The following TSPEAR variants were observed in gnomAD, a reference collection of about 807,000 sequenced individuals.
TSPEAR encodes thrombospondin-type laminin G domain and EAR repeat-containing protein.
A neutral mutation model predicts 71.6 loss-of-function variants in TSPEAR; 69 were observed. The observed-to-expected ratio is 0.96, with a 90% CI of 0.79 to 1.18. The LOEUF is 1.18. TSPEAR is among the 50% of genes most tolerant of loss of function. TSPEAR has a pLI of 0.00. For missense variants in TSPEAR, 971 were observed against 894.9 expected, an observed-to-expected ratio of 1.09 and a Z score of -1.09; for synonymous variants, 402 against 387.2, an observed-to-expected ratio of 1.04 and a Z score of -0.45.
At chr21:44,685,771 C>T (rs1555948851) in intron 1 of TSPEAR, among the ~76,000 whole-genome samples, 1 of 152,188 alleles carries the variant, frequency 6.6e-6, no homozygotes, top group African/African-American at 2.4e-5. Flanking sequence ...GACCATGGAT[C>T]CCAGAGTGAA....
At chr21:44,686,118 G>A (rs2838636) in intron 1 of TSPEAR, among the ~76,000 whole-genome samples, 97,232 of 151,866 alleles carry the variant, frequency 0.64, 31,292 homozygotes, top group South Asian at 0.72. Flanking sequence ...GATGGCATTT[G>A]CAACAGGGGG....
intron 2 of TSPEAR, chr21:44,550,725 C>A (rs782483439): frequency 6.2e-7 from 1 of 1,613,992 alleles, no homozygotes; most frequent in Non-Finnish European, 8.5e-7. Context: ...GGAAAAGCTG[C>A]AGGAGGCTGG....
chr21:44,628,213 C>G (rs1983010712), intron 1 of TSPEAR: 1 of 797,638 alleles, frequency 1.3e-6, no homozygotes, highest in Non-Finnish European at 1.9e-6. Flanking sequence ...CCTCCCTGAC[C>G]TCCCCCCCGG....
intron 1 of TSPEAR, among the ~76,000 whole-genome samples, chr21:44,599,972 G>A (rs1311232130): frequency 6.6e-6 from 1 of 152,204 alleles, no homozygotes; most frequent in African/African-American, 2.4e-5. Flanking sequence ...GCCTCCCTAA[G>A]TGCCCAGATG....
At chr21:44,537,945 G>T (rs974127173) in intron 2 of TSPEAR, among the ~76,000 whole-genome samples, 5 of 152,242 alleles carry the variant, frequency 3.3e-5, no homozygotes, top group African/African-American at 1.2e-4. Flanking sequence ...AGCAGATCAG[G>T]CTGAGCCGGG....
intron 1 of TSPEAR, among the ~76,000 whole-genome samples, chr21:44,594,401 C>T (rs1208792075): frequency 6.6e-6 from 1 of 152,228 alleles, no homozygotes; most frequent in African/African-American, 2.4e-5. Flanking sequence ...GGCGAGGGAC[C>T]TGCACACTAG....
intron 1 of TSPEAR, among the ~76,000 whole-genome samples, chr21:44,597,453 A>G (rs1388947980): frequency 2.9e-5 from 3 of 102,190 alleles, no homozygotes; most frequent in Non-Finnish European, 5.5e-5. Flanking sequence ...TTTTTTTTTG[A>G]TGGAGTCTCA....
At chr21:44,582,305 C>T (rs1236295006) in intron 1 of TSPEAR, among the ~76,000 whole-genome samples, 4 of 152,176 alleles carry the variant, frequency 2.6e-5, no homozygotes, top group South Asian at 2.1e-4. Flanking sequence ...ACCTGACAAC[C>T]GCGAGCTCTC....
At chr21:44,626,911 C>T (rs1555934471) in intron 1 of TSPEAR, among the ~76,000 whole-genome samples, 1 of 151,980 alleles carries the variant, frequency 6.6e-6, no homozygotes, top group Non-Finnish European at 1.5e-5. Context: ...CCCTGAGGTT[C>T]CACATGCAAC....
At chr21:44,529,996 G>A (rs781936212) in intron 4 of TSPEAR, 42 bp from the exon 5 acceptor site, 13 of 1,506,852 alleles carry the variant, frequency 8.6e-6, no homozygotes, top group Middle Eastern at 2.0e-4. Context: ...GCGCTGCTGG[G>A]GAAGGACCCG....
intron 1 of TSPEAR, among the ~76,000 whole-genome samples, chr21:44,657,305 C>G (rs1985208998): frequency 6.6e-6 from 1 of 152,186 alleles, no homozygotes; most frequent in Non-Finnish European, 1.5e-5. Context: ...ATATTTGTTG[C>G]ATTAACAAAT....
chr21:44,533,110 C>A (rs781930917), intron 3 of TSPEAR, among the ~76,000 whole-genome samples: 1 of 152,236 alleles, frequency 6.6e-6, no homozygotes, highest in Non-Finnish European at 1.5e-5. Flanking sequence ...TTGTTCTAAG[C>A]CACTGACTCT....
chr21:44,516,265 A>C (rs1017210981), intron 9 of TSPEAR: 11 of 152,388 alleles, frequency 7.2e-5, no homozygotes, highest in African/African-American at 1.9e-4. Flanking sequence ...TGTGCTCCAC[A>C]TGCAGGGCAG....
chr21:44,577,317 G>A (rs927948684), intron 1 of TSPEAR, among the ~76,000 whole-genome samples: 1 of 152,218 alleles, frequency 6.6e-6, no homozygotes, highest in South Asian at 2.1e-4. Context: ...TTGCACTGCT[G>A]TAAAGGAATA....
At chr21:44,620,187 G>A (rs1460721832) in intron 1 of TSPEAR, among the ~76,000 whole-genome samples, 3 of 152,226 alleles carry the variant, frequency 2.0e-5, no homozygotes, top group Admixed American at 6.5e-5. Flanking sequence ...CAGGGGTGGG[G>A]AGCACCCAAC....
chr21:44,603,160 C>A (rs587741557), intron 1 of TSPEAR, among the ~76,000 whole-genome samples: 2 of 152,196 alleles, frequency 1.3e-5, no homozygotes, highest in South Asian at 4.2e-4. Context: ...CCTGTGGTGG[C>A]CACAGAGGCT....
At chr21:44,514,230 C>T (rs2052485983) in intron 9 of TSPEAR, among the ~76,000 whole-genome samples, 1 of 152,244 alleles carries the variant, frequency 6.6e-6, no homozygotes, top group African/African-American at 2.4e-5. Context: ...AGCCAGGCCT[C>T]ATGAGGGTGC....
At chr21:44,503,518 C>A (rs1386364079) in intron 11 of TSPEAR, among the ~76,000 whole-genome samples, 1 of 126,276 alleles carries the variant, frequency 7.9e-6, no homozygotes, top group Non-Finnish European at 1.7e-5. Context: ...CTTGGTGAGC[C>A]CTTGGGGGGA....
At position 44,499,740 on chromosome 21, in the gene TSPEAR, CG is replaced by C; in HGVS notation, c.*42del. 6.6e-7 allele frequency: 1 copy of C among 1,521,624 alleles called. No homozygotes were observed. Among genetic ancestry groups the C allele is most frequent in the Non-Finnish European group, 8.8e-7 (1 of 1,134,696 alleles). 94.3% of individuals were successfully genotyped at this position (1,521,624 alleles called of 1,614,324 possible). On this transcript the variant is annotated 3_prime_UTR_variant, in exon 12 of 12. Transcript: ENST00000323084. ...TCAGTTGGGGGAGGTGCTGGGGTCC[CG>C]CCCCACCTGGCCACCCCAGTTGCTG... is the stretch of plus-strand genomic sequence containing the variant.
Sources: gnomAD v4.1 joint callset for allele counts (sites outside exome capture counted in the v4.1 genomes callset) on GRCh38, gnomAD v4.1.1 for gene constraint, MANE v1.5 for transcripts, NCBI Gene and HGNC (gene_info 2026-07-23, HGNC 2026-07-21) for gene names.